Variants in KCNIP4 observed in about 807,000 individuals in gnomAD.
KCNIP4 encodes the protein potassium voltage-gated channel interacting protein 4.
A neutral mutation model predicts 34.0 loss-of-function variants in KCNIP4; 12 were observed. The ratio of observed to expected loss-of-function variants is 0.35; its 90% CI spans 0.23 to 0.57. KCNIP4 has a LOEUF of 0.57. KCNIP4 is among the 20% of genes least tolerant of loss of function. KCNIP4 has a pLI of 0.83. For synonymous variants in KCNIP4, 124 were observed against 102.2 expected (o/e 1.21, Z -1.29); for missense variants, 238 against 311.7 (o/e 0.76, Z 1.78).
At chr4:21,826,266 G>A (rs888047212) in intron 1 of KCNIP4, among the ~76,000 whole-genome samples, 7 of 152,130 alleles carry the variant, frequency 4.6e-5, no homozygotes, top group South Asian at 4.1e-4. Context: ...ACTCGACTTC[G>A]GTAATCCACC....
chr4:21,542,503 T>C (rs1160704655), intron 1 of KCNIP4, among the ~76,000 whole-genome samples: 2 of 152,056 alleles, frequency 1.3e-5, no homozygotes, highest in African/African-American at 4.8e-5. Context: ...GCGAAAAATA[T>C]AAAGCTCTTG....
rs528802170 is a variant in KCNIP4, at chr4:21,352,065, C to T, written c.62-469356G>A. Among the ~76,000 whole-genome samples, 6 of 152,196 alleles carry T rather than the reference C, an allele frequency of 3.9e-5. No individual in the cohort carries two copies. The South Asian group carries it at 6.2e-4, about 16-fold the overall frequency. On this transcript the variant is annotated intron_variant, in intron 1 of 8. Transcript: ENST00000382152. ...ATAAACTGCTTGAAGCATGACCCTA[C>T]GAATAGCCCTAACCATCCATCTCAA...
chr4:21,005,913 C>G (rs1324087442), intron 1 of KCNIP4, among the ~76,000 whole-genome samples: 1 of 152,036 alleles, frequency 6.6e-6, no homozygotes, highest in Admixed American at 6.6e-5. Context: ...TGCATTTTTT[C>G]TGAAATTTGC....
At chr4:21,737,794 T>A (rs1288891313) in intron 1 of KCNIP4, among the ~76,000 whole-genome samples, 2 of 152,068 alleles carry the variant, frequency 1.3e-5, no homozygotes, top group Non-Finnish European at 1.5e-5. Context: ...AATAAAAGGC[T>A]TAAAAGTCAG....
At chr4:21,556,468 G>A (rs1739017750) in intron 1 of KCNIP4, among the ~76,000 whole-genome samples, 1 of 152,102 alleles carries the variant, frequency 6.6e-6, no homozygotes. Context: ...AAATTTATGA[G>A]AGTGATTAGC....
chr4:21,599,827 C>T (rs1474525267), intron 1 of KCNIP4, among the ~76,000 whole-genome samples: 1 of 151,990 alleles, frequency 6.6e-6, no homozygotes, highest in Non-Finnish European at 1.5e-5. Context: ...TTTAAGAAGC[C>T]AGGATTTGGA....
At position 21,452,284 on chromosome 4, in the gene KCNIP4, T is replaced by A. The variant is rs548645573; in HGVS notation, c.61+496287A>T. 9.2e-5 allele frequency among the ~76,000 whole-genome samples: 14 copies of A among 152,272 alleles called. No homozygotes were observed. In the South Asian group the frequency reaches 1.7e-3, roughly 18 times the overall value. On this transcript the variant is annotated intron_variant, in intron 1 of 8. Coordinates refer to ENST00000382152, the MANE Select transcript of KCNIP4 (RefSeq NM_025221.6). The stretch of plus-strand genomic sequence containing the variant: ...TCTTCTAGCATACAGCTAAGTGTCT[T>A]ATATCAAAGACCCTGCCTTCATGGA...
At chr4:21,516,888 G>A (rs1217477770) in intron 1 of KCNIP4, among the ~76,000 whole-genome samples, 1 of 152,176 alleles carries the variant, frequency 6.6e-6, no homozygotes, top group African/African-American at 2.4e-5. Context: ...CTGTGTCTGG[G>A]AAGAGTTTGG....
At chr4:21,884,386 G>A (rs1438323063) in intron 1 of KCNIP4, among the ~76,000 whole-genome samples, 1 of 151,952 alleles carries the variant, frequency 6.6e-6, no homozygotes, top group Non-Finnish European at 1.5e-5. Flanking sequence ...AAGTACAATG[G>A]AGCCGTTGTC....
chr4:21,524,700 A>G (rs1276386639), intron 1 of KCNIP4, among the ~76,000 whole-genome samples: 1 of 151,868 alleles, frequency 6.6e-6, no homozygotes, highest in Non-Finnish European at 1.5e-5. Context: ...TTTTCTTCCT[A>G]TCACTTATTT....
At chr4:20,908,574 T>C (rs1728024479) in intron 1 of KCNIP4, among the ~76,000 whole-genome samples, 1 of 152,216 alleles carries the variant, frequency 6.6e-6, no homozygotes, top group East Asian at 1.9e-4. Context: ...TGGAATAAAA[T>C]TCATATTGAG....
intron 3 of KCNIP4, among the ~76,000 whole-genome samples, chr4:20,760,503 T>G (rs1754869466): frequency 6.6e-6 from 1 of 152,192 alleles, no homozygotes. Flanking sequence ...GAATTTTCTA[T>G]TTTCTCATTT....
intron 1 of KCNIP4, among the ~76,000 whole-genome samples, chr4:20,948,187 C>T (rs1732395437): frequency 6.6e-6 from 1 of 152,184 alleles, no homozygotes; most frequent in Non-Finnish European, 1.5e-5. Context: ...TGCAATATTT[C>T]CAAGTTGCTG....
chr4:21,758,663 G>C (rs1232805346), intron 1 of KCNIP4, among the ~76,000 whole-genome samples: 1 of 152,114 alleles, frequency 6.6e-6, no homozygotes, highest in Non-Finnish European at 1.5e-5. Flanking sequence ...GACTTATTGG[G>C]TGGGTGATAG....
chr4:20,907,446 T>C (rs866434466), intron 1 of KCNIP4, among the ~76,000 whole-genome samples: 3 of 152,154 alleles, frequency 2.0e-5, no homozygotes, highest in Non-Finnish European at 4.4e-5. Flanking sequence ...ACCTATCTCA[T>C]GGGATTATTA....
chr4:21,132,039 AG>A (rs1224587878), intron 1 of KCNIP4, among the ~76,000 whole-genome samples: 1 of 152,180 alleles, frequency 6.6e-6, no homozygotes, highest in Non-Finnish European at 1.5e-5. Flanking sequence ...TGTGTGTGAA[AG>A]ATGGAGATTT....
intron 3 of KCNIP4, among the ~76,000 whole-genome samples, chr4:20,836,871 CT>C (rs34416477): frequency 0.29 from 43,477 of 148,446 alleles, 6,472 homozygotes; most frequent in South Asian, 0.39. Context: ...AGAGTTCTCT[CT>C]TTTTTTTTTT....
At chr4:21,201,594 G>T (rs553242339) in intron 1 of KCNIP4, among the ~76,000 whole-genome samples, 1 of 152,168 alleles carries the variant, frequency 6.6e-6, no homozygotes, top group Non-Finnish European at 1.5e-5. Context: ...CGCCTCCCAG[G>T]TTCACGCCAT....
intron 1 of KCNIP4, among the ~76,000 whole-genome samples, chr4:21,144,992 A>C (rs1752247728): frequency 6.6e-6 from 1 of 151,698 alleles, no homozygotes; most frequent in Non-Finnish European, 1.5e-5. Flanking sequence ...AAAAAAAAAT[A>C]GTAATATGAA....
Sources: gnomAD v4.1 joint callset for allele counts (sites outside exome capture counted in the v4.1 genomes callset) on GRCh38, gnomAD v4.1.1 for gene constraint, MANE v1.5 for transcripts, NCBI Gene and HGNC (gene_info 2026-07-23, HGNC 2026-07-21) for gene names.